ANK3: variants seen among roughly 807,000 people sequenced by gnomAD.
The protein encoded by ANK3 is ankyrin-3.
In ANK3, 57 loss-of-function variants were observed where a neutral mutation model predicts 370.9. The ratio of observed to expected loss-of-function variants is 0.15; its 90% CI spans 0.12 to 0.19. The LOEUF (loss-of-function observed/expected upper bound fraction) is 0.19, where lower values mean the gene tolerates loss of function less well. Ranked by LOEUF, ANK3 falls within the 10% of genes least tolerant of loss-of-function variation. ANK3 has a pLI of 1.00. For missense variants in ANK3, 4,439 were observed against 5,302.1 expected (o/e 0.84, Z 5.06); for synonymous variants, 1,929 against 1,946.3 (o/e 0.99, Z 0.23).
At chr10:60,207,776 T>C (rs1235995901) in intron 10 of ANK3, among the ~76,000 whole-genome samples, 1 of 152,206 alleles carries the variant, frequency 6.6e-6, no homozygotes, top group Non-Finnish European at 1.5e-5. Flanking sequence ...AGTCTTTTTA[T>C]AATTGTATAG....
At chr10:60,653,508 G>A (rs1247543163) in intron 1 of ANK3, among the ~76,000 whole-genome samples, 1 of 152,108 alleles carries the variant, frequency 6.6e-6, no homozygotes, top group Non-Finnish European at 1.5e-5. Flanking sequence ...ACTGATGCAT[G>A]TATCTCTCCT....
intron 2 of ANK3, among the ~76,000 whole-genome samples, chr10:60,493,269 A>G (rs2075570950): frequency 6.6e-6 from 1 of 152,118 alleles, no homozygotes; most frequent in African/African-American, 2.4e-5. Context: ...TCAAGATCAG[A>G]TATAACTTTG....
At chr10:60,317,078 G>T (rs10761481) in intron 1 of ANK3, among the ~76,000 whole-genome samples, 87,919 of 151,754 alleles carry the variant, frequency 0.58, 26,062 homozygotes, top group South Asian at 0.77. Flanking sequence ...ACTTGGATTT[G>T]CACATGGCAA....
intron 2 of ANK3, among the ~76,000 whole-genome samples, chr10:60,520,021 G>A (rs900890049): frequency 6.6e-6 from 1 of 151,986 alleles, no homozygotes; most frequent in Non-Finnish European, 1.5e-5. Context: ...TGTATATTAT[G>A]GGCCCAAGAT....
chr10:60,323,255 C>T (rs2049060923), intron 1 of ANK3, among the ~76,000 whole-genome samples: 1 of 152,170 alleles, frequency 6.6e-6, no homozygotes, highest in Non-Finnish European at 1.5e-5. Flanking sequence ...GCATAGAAGT[C>T]CCTGAGAAGT....
At chr10:60,033,270 C>G (rs10821657) in intron 43 of ANK3, among the ~76,000 whole-genome samples, 3 of 151,372 alleles carry the variant, frequency 2.0e-5, no homozygotes, top group African/African-American at 2.4e-5. Flanking sequence ...GAGGCCAAGC[C>G]GGGGGCAGGG....
intron 25 of ANK3, among the ~76,000 whole-genome samples, chr10:60,125,138 A>G (rs1219008570): frequency 1.3e-5 from 2 of 152,234 alleles, no homozygotes; most frequent in African/African-American, 2.4e-5. Flanking sequence ...AAGGCCTACT[A>G]TAATAGAAAA....
intron 1 of ANK3, among the ~76,000 whole-genome samples, chr10:60,692,184 ACATTCTTGTGAAGACAATATCAAAT>A (rs1437925938): frequency 6.6e-6 from 1 of 152,226 alleles, no homozygotes; most frequent in Non-Finnish European, 1.5e-5. Context: ...CTTGCATAAA[ACATTCTTGTGAAGACAATATCAAAT>A]CACTGGGCAG....
At chr10:60,724,828 G>T (rs2079918094) in intron 1 of ANK3, among the ~76,000 whole-genome samples, 1 of 152,132 alleles carries the variant, frequency 6.6e-6, no homozygotes, top group Admixed American at 6.5e-5. Flanking sequence ...GATCTCTTTG[G>T]TTAAGCCTTG....
chr10:60,388,449 T>C (rs988556528), intron 1 of ANK3, among the ~76,000 whole-genome samples: 1 of 152,230 alleles, frequency 6.6e-6, no homozygotes, highest in Non-Finnish European at 1.5e-5. Flanking sequence ...ATATCTTTCC[T>C]TTGGGAATTT....
intron 2 of ANK3, among the ~76,000 whole-genome samples, chr10:60,395,564 C>CTTTG (rs763375553): frequency 9.8e-6 from 1 of 101,714 alleles, no homozygotes; most frequent in Non-Finnish European, 2.0e-5. Flanking sequence ...TTCTTTCTTT[C>CTTTG]TTTCTTTCTT....
At chr10:60,503,876 G>T (rs1487355273) in intron 2 of ANK3, among the ~76,000 whole-genome samples, 1 of 152,142 alleles carries the variant, frequency 6.6e-6, no homozygotes, top group East Asian at 1.9e-4. Context: ...CGGTTTAGGT[G>T]ACAGTGAGTC....
chr10:60,236,876 CT>C (rs1209022103), intron 7 of ANK3, among the ~76,000 whole-genome samples: 2 of 152,252 alleles, frequency 1.3e-5, no homozygotes, highest in Non-Finnish European at 2.9e-5. Flanking sequence ...CATACAGTCT[CT>C]TGCATCTACT....
At chr10:60,068,081 T>G in intron 37 of ANK3, 72 bp from the exon 38 acceptor site, 1 of 1,402,388 alleles carries the variant, frequency 7.1e-7, no homozygotes, top group Non-Finnish European at 1.0e-6. Flanking sequence ...CTTTTAGCAG[T>G]ACGCAGATTT....
chr10:60,423,468 T>C (rs1436563098), intron 2 of ANK3, among the ~76,000 whole-genome samples: 1 of 151,920 alleles, frequency 6.6e-6, no homozygotes, highest in Non-Finnish European at 1.5e-5. Flanking sequence ...ACCAGGACTT[T>C]TTAATAATCA....
At chr10:60,627,235 T>C (rs1378929823) in intron 1 of ANK3, among the ~76,000 whole-genome samples, 1 of 151,994 alleles carries the variant, frequency 6.6e-6, no homozygotes, top group African/African-American at 2.4e-5. Flanking sequence ...TAACATGAAA[T>C]TACATAGCAA....
chr10:60,566,502 T>A (rs1412271867), intron 2 of ANK3, among the ~76,000 whole-genome samples: 1 of 152,170 alleles, frequency 6.6e-6, no homozygotes, highest in African/African-American at 2.4e-5. Flanking sequence ...GCTACTCTAG[T>A]GAACACATGA....
intron 1 of ANK3, among the ~76,000 whole-genome samples, chr10:60,707,549 T>C (rs1447078029): frequency 6.6e-6 from 1 of 151,780 alleles, no homozygotes; most frequent in Non-Finnish European, 1.5e-5. Context: ...TTCCTGAAAC[T>C]CCACAAAATA....
At chr10:60,520,085 G>C (rs2076314227) in intron 2 of ANK3, among the ~76,000 whole-genome samples, 1 of 152,080 alleles carries the variant, frequency 6.6e-6, no homozygotes, top group African/African-American at 2.4e-5. Context: ...ATATACACAT[G>C]GAATACTACA....
Sources: allele counts gnomAD v4.1 joint callset (sites outside exome capture counted in the v4.1 genomes callset), GRCh38; gene constraint gnomAD v4.1.1; transcripts MANE v1.5; gene names NCBI Gene and HGNC (gene_info 2026-07-23, HGNC 2026-07-21).